Variants in ZNF358 observed in about 807,000 individuals in gnomAD.
ZNF358 encodes zinc finger protein 358.
A neutral mutation model predicts 2.1 loss-of-function variants in ZNF358; 1 was observed. The observed-to-expected ratio is 0.49, with a 90% CI of 0.17 to 2.30. The LOEUF (loss-of-function observed/expected upper bound fraction) is 2.30. ZNF358 is among the 30% of genes most tolerant of loss of function. The pLI is 0.26. For missense variants in ZNF358, 665 were observed against 806.8 expected, an observed-to-expected ratio of 0.82 and a Z score of 2.13; for synonymous variants, 381 against 359.7, an observed-to-expected ratio of 1.06 and a Z score of -0.67.
At chr19:7,515,800 A>G (rs1472217990), upstream of ZNF358, among the ~76,000 whole-genome samples, 1 of 152,122 alleles carries the variant, frequency 6.6e-6, no homozygotes, top group Non-Finnish European at 1.5e-5. Context: ...AGGGACAGAG[A>G]CAGAGAATGA....
intron 1 of ZNF358, among the ~76,000 whole-genome samples, chr19:7,518,970 C>G: frequency 6.9e-6 from 1 of 145,456 alleles, no homozygotes; most frequent in South Asian, 2.1e-4. Context: ...GAGGCTGAGG[C>G]AGGAGAGTTG....
intron 1 of ZNF358, among the ~76,000 whole-genome samples, chr19:7,517,761 T>C (rs1213703516): frequency 6.6e-6 from 1 of 152,124 alleles, no homozygotes; most frequent in Non-Finnish European, 1.5e-5. Flanking sequence ...CACCTGGAGC[T>C]GTGAGCTCTG....
intron 1 of ZNF358, among the ~76,000 whole-genome samples, chr19:7,518,010 G>A (rs557045909): frequency 2.1e-4 from 32 of 152,322 alleles, no homozygotes; most frequent in African/African-American, 5.1e-4. Flanking sequence ...GCACAGAAAC[G>A]CTGACACCCA....
At position 7,520,417 on chromosome 19, in the gene ZNF358, A is replaced by T. The variant is rs763236921; in HGVS notation, c.1175A>T (p.Lys392Met). 1 of 1,524,152 alleles carries T rather than the reference A, an allele frequency of 6.6e-7. No homozygotes were observed. The highest frequency in any genetic ancestry group is 2.6e-5 in the East Asian group (1 of 38,108). The allele number at this position is 1,524,152 out of a possible 1,614,324, so 94.4% of individuals were successfully genotyped here. A position where few individuals can be genotyped will look rare whatever the true frequency, so the allele number is the denominator to read the frequency against. ...TTCGGCCAGGCCTCCAGCCTCACCA[A>T]GCACAAACGGGTGCATGAGGGTGCA... ...KAFGQASSLTKHKRVHEGAAA... is the reference protein window; with the variant it reads ...KAFGQASSLTMHKRVHEGAAA... The change falls in exon 2 of 2, where the codon AAG becomes ATG. Residue 392 changes from lysine to methionine, a missense_variant. Transcript: ENST00000597229. This position sits in a 1 kb window ranked among gnomAD's most constrained non-coding sequence, Gnocchi z 6.0.
upstream of ZNF358, among the ~76,000 whole-genome samples, chr19:7,514,932 A>G (rs760038592): frequency 1.1e-4 from 16 of 152,134 alleles, no homozygotes; most frequent in Non-Finnish European, 2.9e-5. Flanking sequence ...CACCCAGCCT[A>G]TACTGGGTGG....
intron 1 of ZNF358, among the ~76,000 whole-genome samples, chr19:7,518,545 A>AAGAAAG (rs1555740108): frequency 3.5e-4 from 38 of 109,406 alleles, no homozygotes; most frequent in African/African-American, 1.2e-3. Flanking sequence ...GAAAGAAAGA[A>AAGAAAG]AGAGAGAGAG....
intron 1 of ZNF358, among the ~76,000 whole-genome samples, chr19:7,518,557 G>GACAAAGAA (rs3029870): frequency 8.6e-6 from 1 of 116,066 alleles, no homozygotes; most frequent in Non-Finnish European, 1.7e-5. Flanking sequence ...GAGAGAGAGA[G>GACAAAGAA]AGAAAGAAAG....
Position 7,520,742 on chromosome 19 carries a change from C to T in ZNF358, c.1500C>T (p.His500=), listed in dbSNP as rs1352515330. 17 of 1,614,054 alleles carry T rather than the reference C, an allele frequency of 1.1e-5. No homozygotes were observed. The highest frequency in any genetic ancestry group is 1.3e-5 in the African/African-American group (1 of 75,024). The stretch of plus-strand genomic sequence containing the variant: ...AATCTTCTGACCCAAAGGCTGGGCA[C>T]GACGCTGGTCCCGACCTTGTGCCCA... ...PVESSDPKAG[H]DAGPDLVPSP... is the part of the protein sequence containing the mutation. The change falls in exon 2 of 2, where the codon CAC becomes CAT. Residue 500 remains histidine, a synonymous_variant. Coordinates refer to ENST00000597229, the MANE Select transcript of ZNF358 (RefSeq NM_018083.5). The surrounding 1 kb of genome is among the most constrained non-coding windows in gnomAD (Gnocchi z 6.0).
intron 1 of ZNF358, 131 bp from the exon 2 acceptor site, chr19:7,519,074 A>G (rs2022407166): frequency 8.7e-7 from 1 of 1,153,414 alleles, no homozygotes; most frequent in Non-Finnish European, 1.1e-6. Context: ...CAAAAAAAAA[A>G]AAAAAAAAAA....
At position 7,516,265 on chromosome 19, in the gene ZNF358, A is replaced by G; in HGVS notation, c.-39+16A>G. 1 of 46,928 alleles carries G rather than the reference A, an allele frequency of 2.1e-5. No homozygotes were observed. The highest frequency in any genetic ancestry group is 8.7e-5 in the African/African-American group (1 of 11,548). The allele number at this position is 46,928 out of a possible 1,614,324, so 2.9% of individuals were successfully genotyped here. On this transcript the variant is annotated intron_variant, in intron 1 of 1. Transcript: ENST00000597229. The surrounding 1 kb of genome is among the most constrained non-coding windows in gnomAD (Gnocchi z 5.9). ...GGGGCGCCGGGTGAGTGTCCCTGCG[A>G]GCGGGCTGGGGCCGGGGCGGGGGGC...
Position 7,520,183 on chromosome 19 carries a change from C to G in ZNF358, c.941C>G (p.Thr314Arg). 1 of 1,599,994 alleles carries G rather than the reference C, an allele frequency of 6.3e-7. No homozygotes were observed. The highest frequency in any genetic ancestry group is 8.5e-7 in the Non-Finnish European group (1 of 1,178,296). ...CTGCTGCAGCACCAGCGCACACACA[C>G]GGCCGAGCGCCCCTACCGCTGCCCC... ...SALLQHQRTH[T>R]AERPYRCPHC... is the part of the protein sequence containing the mutation. The change falls in exon 2 of 2, where the codon ACG (threonine) becomes AGG (arginine). Residue 314 changes from threonine to arginine, a missense_variant. Thr to Arg is a moderately conservative substitution (Grantham distance 71). This residue lies in a region of ZNF358 where 210 missense variants were observed against 350.8 expected (regional missense o/e 0.60). Transcript: ENST00000597229. The surrounding 1 kb of genome is among the most constrained non-coding windows in gnomAD (Gnocchi z 6.0).
At chr19:7,519,064 CAAAAAAAAAAA>C (rs397859220) in intron 1 of ZNF358, 130 bp from the exon 2 acceptor site, 55 of 577,522 alleles carry the variant, frequency 9.5e-5, no homozygotes, top group Middle Eastern at 5.1e-4. Context: ...GACCCCATCT[CAAAAAAAAAAA>C]AAAAAAAAAA....
Position 7,516,988 on chromosome 19 carries a change from A to C in ZNF358, c.-39+739A>C, listed in dbSNP as rs899345361. ...TCTGGGTTGAGGACCGCCGTCCAGG[A>C]ACTCGGCTCTGTTTGCCTGCACACT... is the stretch of plus-strand genomic sequence containing the variant. On this transcript the variant is annotated intron_variant, in intron 1 of 1. Transcript: ENST00000597229. The surrounding 1 kb of genome is among the most constrained non-coding windows in gnomAD (Gnocchi z 5.9). Among the ~76,000 whole-genome samples the C allele has an allele frequency of 1.3e-5, 2 of 152,046 alleles. No homozygotes were observed. The highest frequency in any genetic ancestry group is 2.9e-5 in the Non-Finnish European group (2 of 67,990).
rs2432109 is a variant in ZNF358 at position 7,518,598 on chromosome 19, A to T, written c.-38-607A>T. ...AAGAAAGAAAGAAAGAAAGAAAGAA[A>T]GAATTGAAGTTAGCTGAGTGTGGTG... On this transcript the variant is annotated intron_variant, in intron 1 of 1. Coordinates refer to ENST00000597229, the MANE Select transcript of ZNF358 (RefSeq NM_018083.5). Among the ~76,000 whole-genome samples, 1,332 of 142,390 alleles carry T rather than the reference A, an allele frequency of 9.4e-3. 10 individuals carry two copies. Among genetic ancestry groups the T allele is most frequent in the South Asian group, 0.031 (145 of 4,612 alleles). 93.4% of individuals were successfully genotyped at this position (142,390 alleles called of 152,430 possible).
Position 7,520,966 on chromosome 19 carries a change from C to T in ZNF358, c.*17C>T, listed in dbSNP as rs773933058. ...GATGGCTGAAGGAGACGCCGGCATC[C>T]TCGGGGGCCTGGGGAAGTTGTGTGT... is the stretch of plus-strand genomic sequence containing the variant. On this transcript the variant is annotated 3_prime_UTR_variant, in exon 2 of 2. Coordinates refer to ENST00000597229, the MANE Select transcript of ZNF358 (RefSeq NM_018083.5). The surrounding 1 kb of genome is among the most constrained non-coding windows in gnomAD (Gnocchi z 6.0). 5 of 1,608,066 alleles carry T rather than the reference C, an allele frequency of 3.1e-6. No homozygotes were observed. The Admixed American group carries it at 6.7e-5, about 22-fold the overall frequency.
At chr19:7,518,916 T>G (rs898737957) in intron 1 of ZNF358, among the ~76,000 whole-genome samples, 1 of 151,710 alleles carries the variant, frequency 6.6e-6, no homozygotes, top group African/African-American at 2.4e-5. Flanking sequence ...AATACAAAAA[T>G]TAGCCAGGCA....
At position 7,519,729 on chromosome 19, in the gene ZNF358, A is replaced by C; in HGVS notation, c.487A>C (p.Ser163Arg). ...GGATTGCGGGCGAGCCTTCCGCCGCAGCTCCGGGCTGAGCCAGCATCGCCG... is the reference window on the plus strand; with the variant it reads ...GGATTGCGGGCGAGCCTTCCGCCGCCGCTCCGGGCTGAGCCAGCATCGCCG... ...CPDCGRAFRRSSGLSQHRRTH... is the reference protein window; with the variant it reads ...CPDCGRAFRRRSGLSQHRRTH... Residue 163 changes from serine to arginine, a missense_variant, in exon 2 of 2, where the codon AGC becomes CGC. Coordinates refer to ENST00000597229, the MANE Select transcript of ZNF358 (RefSeq NM_018083.5). 1.3e-6 allele frequency: 2 copies of C among 1,558,596 alleles called. No individual in the cohort carries two copies. The highest frequency in any genetic ancestry group is 2.3e-5 in the South Asian group (2 of 87,152).
At chr19:7,515,106 A>G (rs2022318114), upstream of ZNF358, among the ~76,000 whole-genome samples, 1 of 152,200 alleles carries the variant, frequency 6.6e-6, no homozygotes, top group South Asian at 2.1e-4. Flanking sequence ...GAGGGGGATG[A>G]GAACTCATTT....
chr19:7,518,573 A>AAGAG (rs1568394076), intron 1 of ZNF358, among the ~76,000 whole-genome samples: 3 of 145,954 alleles, frequency 2.1e-5, no homozygotes, highest in Non-Finnish European at 4.5e-5. Flanking sequence ...GAAAGAAAGA[A>AAGAG]AGAAAGAAAG....
Sources: allele counts gnomAD v4.1 joint callset (sites outside exome capture counted in the v4.1 genomes callset), GRCh38; gene constraint gnomAD v4.1.1; regional missense constraint gnomAD v4.1.1; non-coding constraint Gnocchi (gnomAD v3.1); transcripts MANE v1.5; gene names NCBI Gene and HGNC (gene_info 2026-07-23, HGNC 2026-07-21).